The following ZNF599 variants were observed in gnomAD, a reference collection of about 807,000 sequenced individuals.
ZNF599 encodes the protein zinc finger protein 599.
In ZNF599, 10 loss-of-function variants were observed where a neutral mutation model predicts 11.7. The ratio of observed to expected loss-of-function variants is 0.86; its 90% CI spans 0.53 to 1.45. The LOEUF (loss-of-function observed/expected upper bound fraction) is 1.45. ZNF599 is among the 40% of genes most tolerant of loss of function. The pLI is 0.00. For missense variants in ZNF599, 688 were observed against 713.6 expected, an observed-to-expected ratio of 0.96 and a Z score of 0.41; for synonymous variants, 232 against 253.2, an observed-to-expected ratio of 0.92 and a Z score of 0.79.
the ZNF599 span, among the ~76,000 whole-genome samples, chr19:34,802,126 G>A: frequency 2.0e-5 from 3 of 152,320 alleles, no homozygotes; most frequent in Middle Eastern, 3.4e-3. Context: ...TGAAGTGCAC[G>A]TGGACTTTGG....
At chr19:34,768,207 G>C (rs543510646) in intron 2 of ZNF599, among the ~76,000 whole-genome samples, 1 of 152,302 alleles carries the variant, frequency 6.6e-6, no homozygotes, top group African/African-American at 2.4e-5. Flanking sequence ...ACTGAGCTGG[G>C]TGATGAGCAG....
At chr19:34,770,686 G>A (rs2069177647) in intron 1 of ZNF599, among the ~76,000 whole-genome samples, 1 of 152,242 alleles carries the variant, frequency 6.6e-6, no homozygotes, top group Non-Finnish European at 1.5e-5. Flanking sequence ...GTGGCTCTAA[G>A]AACCTGGCAG....
chr19:34,787,305 C>T, the ZNF599 span, among the ~76,000 whole-genome samples: 2,506 of 151,984 alleles, frequency 0.016, 21 homozygotes, highest in Non-Finnish European at 0.027. Flanking sequence ...AGGGGGCAAA[C>T]GAAATGTCCC....
At chr19:34,805,073 A>T in the ZNF599 span, among the ~76,000 whole-genome samples, 2 of 152,132 alleles carry the variant, frequency 1.3e-5, no homozygotes, top group Non-Finnish European at 2.9e-5. Flanking sequence ...TCTCTAATAA[A>T]TCTGCCTTTA....
the ZNF599 span, among the ~76,000 whole-genome samples, chr19:34,805,506 T>A: frequency 6.6e-6 from 1 of 152,136 alleles, no homozygotes; most frequent in Non-Finnish European, 1.5e-5. Context: ...GCTACCTTTT[T>A]TTCTCTCACC....
the ZNF599 span, among the ~76,000 whole-genome samples, chr19:34,801,631 T>C: frequency 6.6e-6 from 1 of 152,272 alleles, no homozygotes; most frequent in Non-Finnish European, 1.5e-5. Context: ...GTTTGCAGTT[T>C]ATGGCTTTCC....
chr19:34,805,276 C>A, the ZNF599 span, among the ~76,000 whole-genome samples: 1 of 149,432 alleles, frequency 6.7e-6, no homozygotes, highest in Non-Finnish European at 1.5e-5. Flanking sequence ...CAGCCTGCTG[C>A]AACCTCTGCC....
Position 34,766,641 on chromosome 19 carries a change from T to G in ZNF599, c.241+675A>C, listed in dbSNP as rs927055012. Among the ~76,000 whole-genome samples, 6 of 152,234 alleles carry G rather than the reference T, an allele frequency of 3.9e-5. 1 individual carries two copies. The highest frequency in any genetic ancestry group is 2.4e-5 in the African/African-American group (1 of 41,456). ...CCAAACAACCCAGTCATGCAGAAACTATCATCACTATCTTTCAAATGTAGG... is the reference window on the plus strand; with the variant it reads ...CCAAACAACCCAGTCATGCAGAAACGATCATCACTATCTTTCAAATGTAGG... On this transcript the variant is annotated intron_variant, in intron 3 of 3. Transcript: ENST00000329285.
intron 2 of ZNF599, among the ~76,000 whole-genome samples, chr19:34,768,655 AT>A (rs1218558485): frequency 6.6e-6 from 1 of 152,232 alleles, no homozygotes. Flanking sequence ...ACAGGTTACT[AT>A]AAAAATGGCA....
intron 3 of ZNF599, among the ~76,000 whole-genome samples, chr19:34,766,369 G>GA (rs1403643941): frequency 6.6e-6 from 1 of 152,202 alleles, no homozygotes; most frequent in Non-Finnish European, 1.5e-5. Context: ...ATACATAAAT[G>GA]AAAAGATGAA....
chr19:34,768,400 C>A (rs1218973615), intron 2 of ZNF599, among the ~76,000 whole-genome samples: 2 of 152,204 alleles, frequency 1.3e-5, no homozygotes, highest in Non-Finnish European at 2.9e-5. Context: ...ACTCATCCCT[C>A]GTGAGGACGC....
chr19:34,786,406 G>A, the ZNF599 span, among the ~76,000 whole-genome samples: 15 of 152,018 alleles, frequency 9.9e-5, no homozygotes, highest in Non-Finnish European at 1.6e-4. Flanking sequence ...TACATCTCTC[G>A]CAAGAGTCCC....
the ZNF599 span, among the ~76,000 whole-genome samples, chr19:34,799,654 G>T: frequency 6.6e-6 from 1 of 152,192 alleles, no homozygotes; most frequent in Non-Finnish European, 1.5e-5. Context: ...TAAGTGTGGT[G>T]CTCTAACCTG....
chr19:34,759,901 C>G lies in ZNF599; in HGVS notation c.900G>C (p.Gln300His). ...KAFTHRSSFI[Q>H]HNMTHTREKP... The stretch of plus-strand genomic sequence containing the variant: ...TTTCTCGAGTGTGAGTCATATTATG[C>G]TGGATAAAAGAAGAGCGGTGGGTGA... Residue 300 changes from glutamine to histidine, a missense_variant, in exon 4 of 4, where the codon CAG becomes CAC. By Grantham distance (24) the Gln-to-His change is conservative. Transcript: ENST00000329285. 1 of 1,614,036 alleles carries G rather than the reference C, an allele frequency of 6.2e-7. No individual in the cohort carries two copies.
intron 1 of ZNF599, among the ~76,000 whole-genome samples, chr19:34,771,255 A>T (rs552636212): frequency 1.6e-4 from 24 of 152,314 alleles, no homozygotes; most frequent in South Asian, 4.1e-4. Flanking sequence ...TCTTTCAAAA[A>T]AAATAAATAA....
At chr19:34,782,030 A>G in the ZNF599 span, among the ~76,000 whole-genome samples, 20,922 of 152,178 alleles carry the variant, frequency 0.14, 1,565 homozygotes, top group Middle Eastern at 0.2. Context: ...AACCCAAACA[A>G]TGGTGAACAG....
At chr19:34,799,810 G>C in the ZNF599 span, among the ~76,000 whole-genome samples, 3 of 152,236 alleles carry the variant, frequency 2.0e-5, no homozygotes, top group African/African-American at 7.2e-5. Flanking sequence ...AAAGAGGATA[G>C]AGGGCCAAGA....
intron 1 of ZNF599, chr19:34,772,581 G>C (rs144192882): frequency 3.8e-6 from 5 of 1,332,826 alleles, no homozygotes; most frequent in Non-Finnish European, 1.9e-6. Context: ...CGAGGGCAGC[G>C]AGGCGACAGC....
At chr19:34,774,749 C>T (rs1009563830), upstream of ZNF599, among the ~76,000 whole-genome samples, 7 of 152,074 alleles carry the variant, frequency 4.6e-5, no homozygotes, top group East Asian at 1.9e-4. Flanking sequence ...CTTCTTAATG[C>T]GAGAAGCCAA....
Sources: allele counts gnomAD v4.1 joint callset (sites outside exome capture counted in the v4.1 genomes callset), GRCh38; gene constraint gnomAD v4.1.1; transcripts MANE v1.5; gene names NCBI Gene and HGNC (gene_info 2026-07-23, HGNC 2026-07-21).